SPSB4: variants seen among roughly 807,000 people sequenced by gnomAD.
SPSB4 encodes splA/ryanodine receptor domain and SOCS box containing 4.
A neutral mutation model predicts 20.9 loss-of-function variants in SPSB4; 21 were observed. That is an observed-to-expected ratio of 1.01 (90% CI 0.71 to 1.45). The LOEUF is 1.45. SPSB4 is among the 40% of genes most tolerant of loss of function. The probability of loss-of-function intolerance (pLI) is 0.00; values close to 1 mark genes in which losing one functional copy is unlikely to be tolerated. For missense variants in SPSB4, 399 were observed against 399.2 expected (o/e 1.00, Z 0.00); for synonymous variants, 207 against 183.8 (o/e 1.13, Z -1.02).
At position 141,147,140 on chromosome 3, in the gene SPSB4, A is replaced by T; in HGVS notation, c.695-2A>T. ...ACTCTAACTGCTTCCCTCTCATTGC[A>T]GCCGAGCCCCTGCCACTGATGGACC... On this transcript the variant is annotated splice_acceptor_variant, in intron 2 of 2. Transcript: ENST00000310546. LOFTEE classifies it high-confidence loss of function. The T allele has an allele frequency of 6.2e-7, 1 of 1,613,938 alleles. No homozygotes were observed.
At chr3:141,091,376 GC>G (rs539230424) in intron 2 of SPSB4, among the ~76,000 whole-genome samples, 128 of 152,316 alleles carry the variant, frequency 8.4e-4, no homozygotes, top group African/African-American at 3.0e-3. Context: ...GTAATAAAGT[GC>G]ATACAGTAAG....
chr3:141,121,422 G>T (rs938888002), intron 2 of SPSB4, among the ~76,000 whole-genome samples: 1 of 152,062 alleles, frequency 6.6e-6, no homozygotes, highest in Non-Finnish European at 1.5e-5. Context: ...GTATCTTTGT[G>T]GTATTCTCTG....
chr3:141,066,484 T>C lies in SPSB4; in HGVS notation c.380T>C (p.Val127Ala). The C allele has an allele frequency of 6.7e-7, 1 of 1,500,430 alleles. No individual in the cohort carries two copies. The allele number at this position is 1,500,430 out of a possible 1,614,324, so 92.9% of individuals were successfully genotyped here. A position where few individuals can be genotyped will look rare whatever the true frequency, so the allele number is the denominator to read the frequency against. The change falls in exon 2 of 3, where the codon GTG (valine) becomes GCG (alanine). Residue 127 changes from valine (V) to alanine (A), a missense_variant. Physicochemically the swap from Val to Ala is moderately conservative, Grantham distance 64. Coordinates refer to ENST00000310546, the MANE Select transcript of SPSB4 (RefSeq NM_080862.3). ...ACGGCCCGTGCTCCCCTGCACTCCG[T>C]GGGCTACACGGCGCTGGTAGGCAGT... ...VATARAPLHS[V>A]GYTALVGSDA...
At chr3:141,089,767 G>A (rs576217184) in intron 2 of SPSB4, among the ~76,000 whole-genome samples, 11 of 152,202 alleles carry the variant, frequency 7.2e-5, no homozygotes, top group Non-Finnish European at 1.6e-4. Context: ...TCAAAAGCCA[G>A]TTATCTTTGC....
intron 2 of SPSB4, among the ~76,000 whole-genome samples, chr3:141,116,273 C>T (rs1938878634): frequency 6.6e-6 from 1 of 152,170 alleles, no homozygotes; most frequent in Non-Finnish European, 1.5e-5. Context: ...TGTCAGCTCC[C>T]TTTCCCTTTC....
intron 2 of SPSB4, among the ~76,000 whole-genome samples, chr3:141,084,678 G>A (rs1938308783): frequency 6.6e-6 from 1 of 152,164 alleles, no homozygotes; most frequent in Non-Finnish European, 1.5e-5. Flanking sequence ...TATGGCACAG[G>A]CATTAACCTG....
At chr3:141,058,066 C>T (rs1241551664) in intron 1 of SPSB4, among the ~76,000 whole-genome samples, 1 of 152,174 alleles carries the variant, frequency 6.6e-6, no homozygotes, top group African/African-American at 2.4e-5. Context: ...AGTCCAAAGC[C>T]AGAGGCCACA....
chr3:141,066,877 C>A, intron 2 of SPSB4, 79 bp downstream of exon 2: 1 of 1,376,540 alleles, frequency 7.3e-7, no homozygotes, highest in African/African-American at 1.5e-5. Flanking sequence ...ACACCTCCAT[C>A]GCCACTTGGG....
intron 2 of SPSB4, among the ~76,000 whole-genome samples, chr3:141,104,630 G>A (rs962524781): frequency 1.3e-5 from 2 of 152,202 alleles, no homozygotes; most frequent in Non-Finnish European, 1.5e-5. Context: ...CCGGTGTCAG[G>A]CAGGCAGTGG....
chr3:141,088,143 G>A (rs1458555809), intron 2 of SPSB4, among the ~76,000 whole-genome samples: 1 of 152,130 alleles, frequency 6.6e-6, no homozygotes, highest in Non-Finnish European at 1.5e-5. Flanking sequence ...GGGCTCTCTT[G>A]GAAATGGACC....
At chr3:141,081,022 G>T (rs1199033777) in intron 2 of SPSB4, among the ~76,000 whole-genome samples, 1 of 152,162 alleles carries the variant, frequency 6.6e-6, no homozygotes, top group South Asian at 2.1e-4. Flanking sequence ...TGCAAGGAGG[G>T]GATTGGATAA....
At chr3:141,134,655 C>T (rs1939195269) in intron 2 of SPSB4, among the ~76,000 whole-genome samples, 1 of 152,072 alleles carries the variant, frequency 6.6e-6, no homozygotes, top group African/African-American at 2.4e-5. Flanking sequence ...CCCTGCATGC[C>T]TGGTGTGAAA....
At chr3:141,081,209 A>G (rs570900864) in intron 2 of SPSB4, among the ~76,000 whole-genome samples, 24 of 152,300 alleles carry the variant, frequency 1.6e-4, no homozygotes, top group Non-Finnish European at 2.9e-4. Context: ...AAAATCAAAT[A>G]AAGTTAAATG....
chr3:141,069,539 C>A (rs1391570948), intron 2 of SPSB4, among the ~76,000 whole-genome samples: 1 of 152,042 alleles, frequency 6.6e-6, no homozygotes. Flanking sequence ...CAAAGACATC[C>A]TTGGAAGCAA....
At chr3:141,136,964 A>G (rs1045543071) in intron 2 of SPSB4, among the ~76,000 whole-genome samples, 19 of 152,110 alleles carry the variant, frequency 1.2e-4, no homozygotes, top group African/African-American at 4.3e-4. Context: ...GATTCTTCCT[A>G]CCCATGAGCA....
At position 141,147,167 on chromosome 3, in the gene SPSB4, G is replaced by A; in HGVS notation, c.720G>A (p.Leu240=). The change falls in exon 3 of 3, where the codon CTG becomes CTA. Residue 240 remains leucine (L), a synonymous_variant. Transcript: ENST00000310546. ...CCGAGCCCCTGCCACTGATGGACCT[G>A]TGCCGGAGATCCATCCGCTCGGCCC... The part of the protein sequence containing the change: ...LDPEPLPLMD[L]CRRSIRSALG... 5 of 1,614,206 alleles carry A rather than the reference G, an allele frequency of 3.1e-6. No individual in the cohort carries two copies. Among genetic ancestry groups the A allele is most frequent in the South Asian group, 1.1e-5 (1 of 91,078 alleles).
chr3:141,142,027 TG>T (rs760534494), intron 2 of SPSB4, among the ~76,000 whole-genome samples: 22 of 152,214 alleles, frequency 1.4e-4, no homozygotes, highest in Non-Finnish European at 3.1e-4. Flanking sequence ...TTGTATTTTT[TG>T]TTTCAATTTC....
chr3:141,083,689 G>T (rs1016561018), intron 2 of SPSB4, among the ~76,000 whole-genome samples: 1 of 152,048 alleles, frequency 6.6e-6, no homozygotes, highest in Admixed American at 6.5e-5. Flanking sequence ...TGGAGGCTCC[G>T]AGCAATGCCA....
intron 2 of SPSB4, among the ~76,000 whole-genome samples, chr3:141,082,732 C>T (rs1938261626): frequency 3.3e-5 from 5 of 152,132 alleles, no homozygotes; most frequent in Admixed American, 2.6e-4. Context: ...GATGGGGAAA[C>T]TGAGGCTGTG....
Sources: gnomAD v4.1 joint callset for allele counts (sites outside exome capture counted in the v4.1 genomes callset) on GRCh38, gnomAD v4.1.1 for gene constraint, MANE v1.5 for transcripts, NCBI Gene and HGNC (gene_info 2026-07-23, HGNC 2026-07-21) for gene names.